The following TASP1 variants were observed in gnomAD, a reference collection of about 807,000 sequenced individuals.
TASP1 encodes the protein taspase 1, also known as threonine aspartase 1.
In TASP1, 16 loss-of-function variants were observed where a neutral mutation model predicts 56.6. That is an observed-to-expected ratio of 0.28 (90% CI 0.19 to 0.43). The LOEUF is 0.43. Among genes scored for constraint, TASP1 ranks in the 20% least tolerant of loss-of-function variants. The pLI, the probability that TASP1 is intolerant of heterozygous loss-of-function variation, is 1.00. For missense variants in TASP1, 393 were observed against 511.6 expected (o/e 0.77, Z 2.24); for synonymous variants, 179 against 184.2 (o/e 0.97, Z 0.23).
chr20:13,170,180 G>C, the TASP1 span, among the ~76,000 whole-genome samples: 1 of 152,256 alleles, frequency 6.6e-6, no homozygotes, highest in South Asian at 2.1e-4. Flanking sequence ...GATTAATAAT[G>C]GCTTCATCTT....
chr20:13,227,799 C>T, the TASP1 span, among the ~76,000 whole-genome samples: 44 of 150,778 alleles, frequency 2.9e-4, no homozygotes, highest in East Asian at 1.2e-3. Context: ...TGAGCCACCG[C>T]GCCCGGCCCC....
At chr20:13,465,282 G>C (rs2044215468) in intron 11 of TASP1, among the ~76,000 whole-genome samples, 1 of 151,052 alleles carries the variant, frequency 6.6e-6, no homozygotes, top group African/African-American at 2.4e-5. Flanking sequence ...AGATGACTAG[G>C]AACAAAAACA....
chr20:13,290,336 G>C, the TASP1 span, among the ~76,000 whole-genome samples: 2 of 152,112 alleles, frequency 1.3e-5, no homozygotes, highest in Non-Finnish European at 2.9e-5. Context: ...TAATGATGAA[G>C]GTAAAAAGAT....
At chr20:13,303,096 G>A in the TASP1 span, among the ~76,000 whole-genome samples, 1 of 152,146 alleles carries the variant, frequency 6.6e-6, no homozygotes, top group African/African-American at 2.4e-5. Context: ...TATAGATAAG[G>A]AAAAGAAGCC....
chr20:13,261,553 A>G, the TASP1 span, among the ~76,000 whole-genome samples: 2 of 152,156 alleles, frequency 1.3e-5, no homozygotes, highest in Non-Finnish European at 2.9e-5. Flanking sequence ...CAGAGGTGCA[A>G]TAACTTACCA....
the TASP1 span, among the ~76,000 whole-genome samples, chr20:13,130,692 G>T: frequency 1.3e-5 from 2 of 152,200 alleles, no homozygotes; most frequent in Non-Finnish European, 2.9e-5. Context: ...TAATCTCCTG[G>T]TCTGTCACTC....
the TASP1 span, among the ~76,000 whole-genome samples, chr20:13,204,185 G>A: frequency 1.3e-5 from 2 of 152,080 alleles, no homozygotes; most frequent in Non-Finnish European, 2.9e-5. Flanking sequence ...ATTTTGAGAC[G>A]TCTTAGTTCC....
chr20:13,584,293 T>C lies in TASP1; in HGVS notation c.403+2957A>G, dbSNP rs1480696347. 2.6e-5 allele frequency among the ~76,000 whole-genome samples: 4 copies of C among 152,050 alleles called. No individual in the cohort carries two copies. In the East Asian group the frequency reaches 5.8e-4, roughly 22 times the overall value. ...ACAAGTAAATTGTGCTTATAAATTA[T>C]GAGAGACTTTAAGAAATACAAAATA... On this transcript the variant is annotated intron_variant, in intron 5 of 13. Transcript: ENST00000337743.
intron 4 of TASP1, among the ~76,000 whole-genome samples, chr20:13,618,402 G>A (rs1342453138): frequency 6.6e-6 from 1 of 152,044 alleles, no homozygotes; most frequent in Non-Finnish European, 1.5e-5. Flanking sequence ...GACAGAGCAA[G>A]AATCTGTCTG....
At chr20:13,304,998 CT>C in the TASP1 span, among the ~76,000 whole-genome samples, 9 of 152,054 alleles carry the variant, frequency 5.9e-5, no homozygotes, top group Non-Finnish European at 1.0e-4. Context: ...CGCTTAAATA[CT>C]TATTAAGTGC....
chr20:13,483,405 T>TAAGGGTGTTC, intron 10 of TASP1, 68 bp from the exon 11 acceptor site: 6 of 1,043,174 alleles, frequency 5.8e-6, no homozygotes, highest in Non-Finnish European at 8.2e-6. Context: ...TTCAATAGCA[T>TAAGGGTGTTC]TAGAACACCC....
At chr20:13,145,484 G>A in the TASP1 span, among the ~76,000 whole-genome samples, 5 of 152,092 alleles carry the variant, frequency 3.3e-5, no homozygotes, top group African/African-American at 1.2e-4. Flanking sequence ...AAAGAAACCA[G>A]AGAAGACACA....
the TASP1 span, among the ~76,000 whole-genome samples, chr20:13,295,172 C>G: frequency 4.6e-5 from 7 of 152,286 alleles, no homozygotes; most frequent in South Asian, 1.5e-3. Flanking sequence ...CCACCAGCCA[C>G]CAAGGCCTGG....
intron 10 of TASP1, among the ~76,000 whole-genome samples, chr20:13,525,574 C>T (rs1162322791): frequency 6.6e-6 from 1 of 152,178 alleles, no homozygotes; most frequent in Non-Finnish European, 1.5e-5. Context: ...CTTTTCTCCG[C>T]CTTTCAATTA....
At chr20:13,350,249 CG>C in the TASP1 span, among the ~76,000 whole-genome samples, 1 of 152,048 alleles carries the variant, frequency 6.6e-6, no homozygotes, top group South Asian at 2.1e-4. Context: ...TCTAAATAAA[CG>C]GAGAGACATA....
chr20:13,305,901 A>G, the TASP1 span, among the ~76,000 whole-genome samples: 1 of 152,354 alleles, frequency 6.6e-6, no homozygotes, highest in East Asian at 1.9e-4. Context: ...CCTTGCCTGT[A>G]ATGGCAAAAA....
chr20:13,201,228 G>C, the TASP1 span, among the ~76,000 whole-genome samples: 873 of 152,328 alleles, frequency 5.7e-3, 4 homozygotes, highest in African/African-American at 0.02. Flanking sequence ...TGGGATTGGA[G>C]AAAGGCAAGA....
chr20:13,637,949 C>A (rs1182025525), intron 1 of TASP1, among the ~76,000 whole-genome samples: 1 of 152,186 alleles, frequency 6.6e-6, no homozygotes, highest in East Asian at 1.9e-4. Context: ...GTGCAATGAA[C>A]ACAATGTATG....
intron 11 of TASP1, among the ~76,000 whole-genome samples, chr20:13,440,303 G>A (rs1391220077): frequency 6.6e-6 from 1 of 152,164 alleles, no homozygotes; most frequent in Non-Finnish European, 1.5e-5. Flanking sequence ...ACAGAATGAA[G>A]AAGGGAGGTA....
Sources: allele counts gnomAD v4.1 joint callset (sites outside exome capture counted in the v4.1 genomes callset), GRCh38; gene constraint gnomAD v4.1.1; transcripts MANE v1.5; gene names NCBI Gene and HGNC (gene_info 2026-07-23, HGNC 2026-07-21).